The following OPRPN variants were observed in gnomAD, a reference collection of about 807,000 sequenced individuals.
The protein encoded by OPRPN is opiorphin prepropeptide.
A neutral mutation model predicts 2.2 loss-of-function variants in OPRPN; 1 was observed. The ratio of observed to expected loss-of-function variants is 0.45; its 90% CI spans 0.16 to 2.15. The LOEUF (loss-of-function observed/expected upper bound fraction) is 2.15, where lower values mean the gene tolerates loss of function less well. Among genes scored for constraint, OPRPN ranks in the 30% most tolerant of loss-of-function variants. OPRPN has a pLI of 0.28. For synonymous variants in OPRPN, 126 were observed against 111.5 expected (o/e 1.13, Z -0.82); for missense variants, 306 against 297.3 (o/e 1.03, Z -0.21).
At chr4:70,405,912 A>G (rs1733079696) in intron 2 of OPRPN, among the ~76,000 whole-genome samples, 3 of 151,828 alleles carry the variant, frequency 2.0e-5, no homozygotes, top group Admixed American at 1.3e-4. Context: ...AAAAATACAA[A>G]AAAAAAATAG....
intron 1 of OPRPN, 44 bp from the exon 2 acceptor site, chr4:70,399,227 T>A: frequency 7.0e-7 from 1 of 1,426,036 alleles, no homozygotes; most frequent in Non-Finnish European, 9.7e-7. Flanking sequence ...AAAACACTGT[T>A]GATCGATTTG....
intron 2 of OPRPN, among the ~76,000 whole-genome samples, chr4:70,402,366 G>T (rs945001370): frequency 3.3e-5 from 5 of 152,110 alleles, no homozygotes; most frequent in African/African-American, 1.2e-4. Context: ...CTTCTTACGG[G>T]TTTGTATAAA....
chr4:70,400,600 T>A lies in OPRPN; in HGVS notation c.51+1264T>A, dbSNP rs570792822. ...CCTGGAAACCTGCATTCTAGGATACTCTTACTCAAGCTGAAATCTGAGACT... is the reference window on the plus strand; with the variant it reads ...CCTGGAAACCTGCATTCTAGGATACACTTACTCAAGCTGAAATCTGAGACT... On this transcript the variant is annotated intron_variant, in intron 2 of 2. Coordinates refer to ENST00000399575, the MANE Select transcript of OPRPN (RefSeq NM_021225.5). Among the ~76,000 whole-genome samples, 3 of 151,984 alleles carry A rather than the reference T, an allele frequency of 2.0e-5. No individual in the cohort carries two copies. The East Asian group carries it at 5.8e-4, about 29-fold the overall frequency.
At chr4:70,406,273 G>A (rs528214020) in intron 2 of OPRPN, among the ~76,000 whole-genome samples, 2 of 149,260 alleles carry the variant, frequency 1.3e-5, no homozygotes, top group East Asian at 2.0e-4. Context: ...TATTCACAAA[G>A]GTGCCAGGCA....
intron 2 of OPRPN, among the ~76,000 whole-genome samples, chr4:70,404,177 C>T (rs1035627617): frequency 6.6e-6 from 1 of 152,142 alleles, no homozygotes; most frequent in Non-Finnish European, 1.5e-5. Flanking sequence ...GCGTAAGGGT[C>T]AGCTTTCAGT....
chr4:70,399,272 A>G lies in OPRPN; in HGVS notation c.-14A>G. ...GGATAATCTTTGGCCTGTTTGTAGGAGCAACTTTAAAGAATGAAATTAACT... is the reference window on the plus strand; with the variant it reads ...GGATAATCTTTGGCCTGTTTGTAGGGGCAACTTTAAAGAATGAAATTAACT... On this transcript the variant is annotated splice_region_variant and 5_prime_UTR_variant, in exon 2 of 3. Coordinates refer to ENST00000399575, the MANE Select transcript of OPRPN (RefSeq NM_021225.5). 4.4e-6 allele frequency: 7 copies of G among 1,597,474 alleles called. No individual in the cohort carries two copies. The highest frequency in any genetic ancestry group is 6.0e-6 in the Non-Finnish European group (7 of 1,167,838).
At chr4:70,402,406 C>T (rs889598614) in intron 2 of OPRPN, among the ~76,000 whole-genome samples, 3 of 152,082 alleles carry the variant, frequency 2.0e-5, no homozygotes, top group East Asian at 1.9e-4. Flanking sequence ...GAAAGGATTA[C>T]GCTCCTTGCC....
intron 2 of OPRPN, among the ~76,000 whole-genome samples, chr4:70,404,941 G>C (rs1025840243): frequency 1.9e-4 from 29 of 152,120 alleles, no homozygotes; most frequent in Non-Finnish European, 4.1e-4. Context: ...AAACTACAGA[G>C]AGAATATAAT....
intron 2 of OPRPN, among the ~76,000 whole-genome samples, chr4:70,404,401 C>T (rs1733044320): frequency 6.6e-6 from 1 of 152,122 alleles, no homozygotes; most frequent in Non-Finnish European, 1.5e-5. Flanking sequence ...CATCTATGAG[C>T]ACAAATCCAG....
chr4:70,399,491 CA>C, intron 2 of OPRPN, 155 bp downstream of exon 2: 1 of 613,232 alleles, frequency 1.6e-6, no homozygotes, highest in Non-Finnish European at 2.8e-6. Flanking sequence ...TTTCCTTTCT[CA>C]TTTATGACTA....
chr4:70,399,931 AGTC>A (rs1378124130), intron 2 of OPRPN, among the ~76,000 whole-genome samples: 1 of 152,004 alleles, frequency 6.6e-6, no homozygotes, highest in Admixed American at 6.6e-5. Flanking sequence ...CAGAAAAAGA[AGTC>A]ATTTACTCAA....
chr4:70,399,385 T>G, intron 2 of OPRPN, 49 bp downstream of exon 2: 1 of 1,481,016 alleles, frequency 6.8e-7, no homozygotes, highest in Non-Finnish European at 9.3e-7. Context: ...TTGTTAATCA[T>G]GATTTCAAAG....
At chr4:70,399,442 T>C in intron 2 of OPRPN, 106 bp downstream of exon 2, 1 of 928,440 alleles carries the variant, frequency 1.1e-6, no homozygotes, top group Non-Finnish European at 1.6e-6. Flanking sequence ...AAATACAGTG[T>C]CAGGCTGTTG....
chr4:70,399,611 C>G (rs942108196), intron 2 of OPRPN: 2 of 240,028 alleles, frequency 8.3e-6, no homozygotes, highest in Middle Eastern at 1.3e-3. Context: ...ATATCTCTTC[C>G]TTTTTATTTC....
chr4:70,406,752 C>A (rs1733097559), intron 2 of OPRPN, among the ~76,000 whole-genome samples: 1 of 152,210 alleles, frequency 6.6e-6, no homozygotes, highest in Admixed American at 6.5e-5. Context: ...GCGGTATAGG[C>A]TTTTGTTTGG....
chr4:70,400,918 G>A (rs1388863109), intron 2 of OPRPN, among the ~76,000 whole-genome samples: 17 of 151,918 alleles, frequency 1.1e-4, no homozygotes, highest in Admixed American at 1.1e-3. Flanking sequence ...AAGTAAACTT[G>A]AGAAATTTGG....
chr4:70,400,113 G>A (rs1176710263), intron 2 of OPRPN, among the ~76,000 whole-genome samples: 8 of 151,894 alleles, frequency 5.3e-5, no homozygotes, highest in African/African-American at 1.9e-4. Context: ...GTTGGGGTTA[G>A]GTGGGCTTGC....
At chr4:70,409,311 C>A (rs1733158803) in intron 2 of OPRPN, 69 bp from the exon 3 acceptor site, 1 of 1,234,584 alleles carries the variant, frequency 8.1e-7, no homozygotes. Context: ...CATAGTATAT[C>A]CTAATGTTTG....
In OPRPN at chr4:70,408,495, A is replaced by G. The variant is rs529878929; in HGVS notation, c.52-885A>G. On this transcript the variant is annotated intron_variant, in intron 2 of 2. Coordinates refer to ENST00000399575, the MANE Select transcript of OPRPN (RefSeq NM_021225.5). ...AATTACTAAAATTGTTACAATATTTATCAATTATTTCTTGAATTGCTACCA... is the reference window on the plus strand; with the variant it reads ...AATTACTAAAATTGTTACAATATTTGTCAATTATTTCTTGAATTGCTACCA... Among the ~76,000 whole-genome samples the G allele has an allele frequency of 3.3e-5, 5 of 152,344 alleles. No individual in the cohort carries two copies. In the South Asian group the frequency reaches 1.0e-3, roughly 32 times the overall value.
Sources: allele counts gnomAD v4.1 joint callset (sites outside exome capture counted in the v4.1 genomes callset), GRCh38; gene constraint gnomAD v4.1.1; transcripts MANE v1.5; gene names NCBI Gene and HGNC (gene_info 2026-07-23, HGNC 2026-07-21).